The following PTPRT variants were observed in gnomAD, a reference collection of about 807,000 sequenced individuals.
The protein encoded by PTPRT is protein tyrosine phosphatase receptor type T.
PTPRT carries 56 observed loss-of-function variants against 176.8 expected under a neutral mutation model. That is an observed-to-expected ratio of 0.32 (90% CI 0.26 to 0.40). The LOEUF is 0.40. Ranked by LOEUF, PTPRT falls within the 10% of genes least tolerant of loss-of-function variation. The pLI, the probability that PTPRT is intolerant of heterozygous loss-of-function variation, is 1.00. For missense variants in PTPRT, 1,540 were observed against 1,908.2 expected (o/e 0.81, Z 3.60); for synonymous variants, 783 against 739.0 (o/e 1.06, Z -0.96).
chr20:43,019,175 T>C (rs750526132), intron 1 of PTPRT, among the ~76,000 whole-genome samples: 2 of 152,198 alleles, frequency 1.3e-5, no homozygotes, highest in East Asian at 3.9e-4. Context: ...GAAAGATCAT[T>C]GTGATGGTTG....
intron 27 of PTPRT, among the ~76,000 whole-genome samples, chr20:42,096,017 C>T (rs1257188632): frequency 6.6e-6 from 1 of 152,184 alleles, no homozygotes; most frequent in Admixed American, 6.5e-5. Flanking sequence ...ACTCAACTTC[C>T]TGCCATTATC....
intron 7 of PTPRT, among the ~76,000 whole-genome samples, chr20:42,495,612 C>G (rs139710561): frequency 6.6e-6 from 1 of 152,126 alleles, no homozygotes; most frequent in Non-Finnish European, 1.5e-5. Flanking sequence ...TCAGTTTTCC[C>G]GTTAGAGTCT....
intron 7 of PTPRT, among the ~76,000 whole-genome samples, chr20:42,521,792 C>T (rs552724702): frequency 2.6e-5 from 4 of 152,196 alleles, no homozygotes; most frequent in African/African-American, 9.6e-5. Flanking sequence ...ATAAATATAT[C>T]ACTTTATTTT....
chr20:42,550,048 T>C (rs1053563839), intron 7 of PTPRT, among the ~76,000 whole-genome samples: 3 of 152,134 alleles, frequency 2.0e-5, no homozygotes, highest in African/African-American at 7.2e-5. Context: ...TAATTTGCAA[T>C]TGAAAAATCA....
intron 1 of PTPRT, among the ~76,000 whole-genome samples, chr20:43,129,230 C>A (rs1015811934): frequency 1.3e-5 from 2 of 152,178 alleles, no homozygotes; most frequent in Non-Finnish European, 2.9e-5. Context: ...TAGGCTCTAA[C>A]CATCACTGTA....
chr20:42,507,507 G>A (rs6102871), intron 7 of PTPRT, among the ~76,000 whole-genome samples: 22,341 of 152,008 alleles, frequency 0.15, 4,027 homozygotes, highest in African/African-American at 0.43. Context: ...TAATTATCAC[G>A]CCAATGTATT....
chr20:42,461,518 C>T (rs1183370981), intron 8 of PTPRT, among the ~76,000 whole-genome samples: 1 of 152,108 alleles, frequency 6.6e-6, no homozygotes, highest in African/African-American at 2.4e-5. Context: ...CTGGGAGACA[C>T]AGTGAAACCC....
At chr20:42,103,957 A>G (rs1181550734) in intron 25 of PTPRT, among the ~76,000 whole-genome samples, 1 of 152,228 alleles carries the variant, frequency 6.6e-6, no homozygotes, top group East Asian at 1.9e-4. Flanking sequence ...AGACACTGAA[A>G]GTGCATAGAT....
At chr20:42,059,654 T>C in the PTPRT span, among the ~76,000 whole-genome samples, 2 of 152,106 alleles carry the variant, frequency 1.3e-5, no homozygotes, top group Non-Finnish European at 2.9e-5. Flanking sequence ...TGAGCTTAGG[T>C]GTCTCTGGTT....
intron 2 of PTPRT, among the ~76,000 whole-genome samples, chr20:42,799,934 C>G (rs1156975852): frequency 6.6e-6 from 1 of 152,208 alleles, no homozygotes; most frequent in Non-Finnish European, 1.5e-5. Flanking sequence ...TACCTAGACT[C>G]TCTCTGAAGA....
chr20:42,813,773 G>A (rs1205800390), intron 2 of PTPRT, among the ~76,000 whole-genome samples: 3 of 151,968 alleles, frequency 2.0e-5, no homozygotes, highest in African/African-American at 7.2e-5. Context: ...TAGATTACTG[G>A]GCATCTGTTT....
At chr20:42,158,587 A>G (rs1165059946) in intron 17 of PTPRT, among the ~76,000 whole-genome samples, 3 of 152,186 alleles carry the variant, frequency 2.0e-5, no homozygotes, top group Non-Finnish European at 1.5e-5. Context: ...CTCCTAGCAG[A>G]TCTGTGACTC....
chr20:42,150,786 G>A (rs565662435), intron 17 of PTPRT, among the ~76,000 whole-genome samples: 80 of 152,184 alleles, frequency 5.3e-4, no homozygotes, highest in Non-Finnish European at 7.8e-4. Flanking sequence ...CAGAAGTAAC[G>A]CAAGGTAACT....
chr20:42,967,453 A>G (rs534171524), intron 1 of PTPRT, among the ~76,000 whole-genome samples: 27 of 152,084 alleles, frequency 1.8e-4, no homozygotes, highest in Admixed American at 3.3e-4. Context: ...AGAGAGGGCA[A>G]TGATGCGGCC....
intron 7 of PTPRT, among the ~76,000 whole-genome samples, chr20:42,654,575 T>C (rs887994021): frequency 3.9e-5 from 6 of 152,210 alleles, no homozygotes; most frequent in African/African-American, 1.2e-4. Flanking sequence ...CTTTGCAGAC[T>C]GCACTACGTC....
intron 11 of PTPRT, among the ~76,000 whole-genome samples, chr20:42,330,825 C>A (rs1034082934): frequency 6.6e-6 from 1 of 152,158 alleles, no homozygotes; most frequent in South Asian, 2.1e-4. Context: ...AGGGGCCCTG[C>A]TCCTGTGTAG....
At chr20:42,287,457 T>C (rs1399448082) in intron 12 of PTPRT, among the ~76,000 whole-genome samples, 6 of 151,814 alleles carry the variant, frequency 4.0e-5, no homozygotes, top group Admixed American at 3.3e-4. Context: ...GGACATTACA[T>C]TAAGGAAAAT....
chr20:42,098,183 C>T (rs1284296563), intron 27 of PTPRT, among the ~76,000 whole-genome samples: 10 of 151,858 alleles, frequency 6.6e-5, no homozygotes, highest in South Asian at 4.2e-4. Flanking sequence ...AGTCTGGTCC[C>T]GGGCGGGGAG....
intron 1 of PTPRT, among the ~76,000 whole-genome samples, chr20:42,891,890 A>C (rs1600526608): frequency 1.3e-5 from 2 of 152,248 alleles, no homozygotes; most frequent in Admixed American, 1.3e-4. Flanking sequence ...CATTTTCCAT[A>C]AAAGACTAGA....
Sources: gnomAD v4.1 joint callset for allele counts (sites outside exome capture counted in the v4.1 genomes callset) on GRCh38, gnomAD v4.1.1 for gene constraint, MANE v1.5 for transcripts, NCBI Gene and HGNC (gene_info 2026-07-23, HGNC 2026-07-21) for gene names.